Variants in SDK1 observed in about 807,000 individuals in gnomAD.
SDK1 encodes protein sidekick-1.
In SDK1, 157 loss-of-function variants were observed where a neutral mutation model predicts 245.5. The ratio of observed to expected loss-of-function variants is 0.64; its 90% confidence interval spans 0.56 to 0.73. The LOEUF is 0.73. SDK1 is among the 30% of genes least tolerant of loss of function. The pLI, the probability that SDK1 is intolerant of heterozygous loss-of-function variation, is 0.00. For synonymous variants in SDK1, 1,647 were observed against 1,278.5 expected, an observed-to-expected ratio of 1.29 and a Z score of -6.15; for missense variants, 3,583 against 3,002.3, an observed-to-expected ratio of 1.19 and a Z score of -4.52.
Position 4,245,768 on chromosome 7 carries a change from G to T in SDK1, c.6344G>T (p.Ser2115Ile). The T allele has an allele frequency of 6.2e-7, 1 of 1,613,978 alleles. No homozygotes were observed. Among genetic ancestry groups the T allele is most frequent in the Non-Finnish European group, 8.5e-7 (1 of 1,179,934 alleles). ...GGCGCCGTGCTGACCGAGAGCGTGA[G>T]CCTCAAGGAGAAGTCGGCAGATGCA... ...YNGAVLTESV[S>I]LKEKSADASE... The change falls in exon 44 of 45, where the codon AGC (serine) becomes ATC (isoleucine). Residue 2115 changes from serine (S) to isoleucine (I), a missense_variant. Ser to Ile is a moderately radical substitution (Grantham distance 142). Transcript: ENST00000404826.
chr7:4,040,602 T>C (rs1788556776), intron 17 of SDK1, among the ~76,000 whole-genome samples: 1 of 152,140 alleles, frequency 6.6e-6, no homozygotes, highest in East Asian at 1.9e-4. Flanking sequence ...CAAAGGATTT[T>C]ACAGATGAGC....
At chr7:3,762,786 A>G (rs1002419399) in intron 4 of SDK1, among the ~76,000 whole-genome samples, 1 of 152,218 alleles carries the variant, frequency 6.6e-6, no homozygotes, top group Non-Finnish European at 1.5e-5. Context: ...AATAGTTTTT[A>G]AAAAATCACT....
At chr7:3,495,248 G>A (rs1030140473) in intron 1 of SDK1, among the ~76,000 whole-genome samples, 7 of 135,308 alleles carry the variant, frequency 5.2e-5, no homozygotes, top group African/African-American at 1.9e-4. Context: ...AAAGCATAAT[G>A]GTTCTTTTTT....
At chr7:3,841,470 G>A (rs777582180) in intron 5 of SDK1, among the ~76,000 whole-genome samples, 8 of 152,170 alleles carry the variant, frequency 5.3e-5, no homozygotes, top group Non-Finnish European at 7.3e-5. Context: ...AACATCTTGC[G>A]CTAATGAGTT....
intron 1 of SDK1, among the ~76,000 whole-genome samples, chr7:3,305,418 C>G (rs1405311852): frequency 6.6e-6 from 1 of 152,102 alleles, no homozygotes; most frequent in African/African-American, 2.4e-5. Context: ...TTTCTGTGGT[C>G]TGGGTCACTT....
intron 21 of SDK1, 90 bp downstream of exon 21, chr7:4,077,279 C>A: frequency 8.0e-7 from 1 of 1,256,584 alleles, no homozygotes; most frequent in Non-Finnish European, 1.1e-6. Context: ...GGTGTGGAAG[C>A]CACTGAGTGC....
At chr7:3,800,772 C>G (rs746056801) in intron 4 of SDK1, among the ~76,000 whole-genome samples, 1 of 152,124 alleles carries the variant, frequency 6.6e-6, no homozygotes, top group East Asian at 1.9e-4. Flanking sequence ...TACACACACC[C>G]AATCCCTGAA....
chr7:3,760,589 A>G (rs112890023), intron 4 of SDK1, among the ~76,000 whole-genome samples: 3,055 of 152,294 alleles, frequency 0.02, 119 homozygotes, highest in African/African-American at 0.069. Flanking sequence ...TTTCCTCAGA[A>G]TAATAGTTTT....
At position 4,175,425 on chromosome 7, in the gene SDK1, C is replaced by A. The variant is rs114865264; in HGVS notation, c.4937-350C>A. Among the ~76,000 whole-genome samples, 693 of 152,344 alleles carry A rather than the reference C, an allele frequency of 4.5e-3. 2 individuals are homozygous for A. The highest frequency in any genetic ancestry group is 0.016 in the African/African-American group (683 of 41,584). Reference sequence around the variant, plus strand: ...CTCCAGCCGGGGCTCCCTGCGTGAGCATGAGTCAGCTGCACCTGCCCCGGG... The same window carrying A: ...CTCCAGCCGGGGCTCCCTGCGTGAGAATGAGTCAGCTGCACCTGCCCCGGG... On this transcript the variant is annotated intron_variant, in intron 33 of 44. Transcript: ENST00000404826.
chr7:4,051,894 T>G, intron 19 of SDK1, 64 bp downstream of exon 19: 2 of 1,462,382 alleles, frequency 1.4e-6, no homozygotes, highest in Non-Finnish European at 1.9e-6. Context: ...CGCTGCAACT[T>G]CCAGAATCAG....
At chr7:3,434,286 T>C (rs1779955108) in intron 1 of SDK1, among the ~76,000 whole-genome samples, 1 of 152,196 alleles carries the variant, frequency 6.6e-6, no homozygotes, top group Admixed American at 6.5e-5. Context: ...TATGTCAACA[T>C]GATTTTTCTT....
At chr7:4,051,357 G>T (rs1789463490) in intron 18 of SDK1, among the ~76,000 whole-genome samples, 1 of 148,552 alleles carries the variant, frequency 6.7e-6, no homozygotes, top group Non-Finnish European at 1.5e-5. Context: ...GTGAAGAGAG[G>T]GTGAAGATTT....
chr7:3,708,195 G>C (rs1194876396), intron 4 of SDK1, among the ~76,000 whole-genome samples: 1 of 152,112 alleles, frequency 6.6e-6, no homozygotes, highest in Non-Finnish European at 1.5e-5. Context: ...AAAATGACCA[G>C]ATCTCACGAG....
chr7:3,854,627 C>T (rs1398226977), intron 5 of SDK1, among the ~76,000 whole-genome samples: 3 of 152,152 alleles, frequency 2.0e-5, no homozygotes, highest in Non-Finnish European at 4.4e-5. Flanking sequence ...CATAACTACA[C>T]TTGAATGCCT....
intron 28 of SDK1, among the ~76,000 whole-genome samples, chr7:4,140,571 CA>C (rs747315967): frequency 2.8e-5 from 4 of 145,246 alleles, no homozygotes. Context: ...CATACTGCAG[CA>C]GGGGGGAGCT....
At chr7:3,728,889 A>T (rs972330932) in intron 4 of SDK1, among the ~76,000 whole-genome samples, 1 of 152,096 alleles carries the variant, frequency 6.6e-6, no homozygotes, top group Admixed American at 6.6e-5. Context: ...TCCGTGAGCC[A>T]CCGCACTGGA....
intron 14 of SDK1, among the ~76,000 whole-genome samples, chr7:4,000,159 C>A (rs74606438): frequency 3.3e-5 from 5 of 152,154 alleles, no homozygotes; most frequent in Admixed American, 6.5e-5. Flanking sequence ...GAGCCCCAGG[C>A]CTGGACGTGG....
chr7:3,364,581 C>T (rs553907073), intron 1 of SDK1, among the ~76,000 whole-genome samples: 2 of 152,178 alleles, frequency 1.3e-5, no homozygotes, highest in South Asian at 2.1e-4. Flanking sequence ...TCAAAAATCA[C>T]TTGGACATAT....
At chr7:3,331,176 A>G (rs1780059908) in intron 1 of SDK1, among the ~76,000 whole-genome samples, 1 of 152,140 alleles carries the variant, frequency 6.6e-6, no homozygotes, top group Non-Finnish European at 1.5e-5. Context: ...AGGCAGGAGA[A>G]TCACTTGAAT....
Sources: allele counts gnomAD v4.1 joint callset (sites outside exome capture counted in the v4.1 genomes callset), GRCh38; gene constraint gnomAD v4.1.1; transcripts MANE v1.5; gene names NCBI Gene and HGNC (gene_info 2026-07-23, HGNC 2026-07-21).